MALAT1: variants seen among roughly 807,000 people sequenced by gnomAD.
The protein encoded by MALAT1 is metastasis associated lung adenocarcinoma transcript 1, also known as hepcarcin.
chr11:65,502,875 T>C, exon 3 of MALAT1: 1 of 493,212 alleles, frequency 2.0e-6, no homozygotes, highest in South Asian at 1.5e-5. Context: ...GAATCTACCA[T>C]TTTAAAGTTA....
chr11:65,501,726 C>T (rs751562891), exon 3 of MALAT1: 9 of 518,848 alleles, frequency 1.7e-5, no homozygotes, highest in Non-Finnish European at 3.1e-5. Context: ...AAGTACAGCA[C>T]AGTGCAGCTT....
At chr11:65,504,607 T>C (rs1854634747) in intron 3 of MALAT1, 1 of 518,948 alleles carries the variant, frequency 1.9e-6, no homozygotes, top group Non-Finnish European at 3.8e-6. Context: ...TAAAATGCTT[T>C]TTGTTCATTT....
At chr11:65,504,879 A>T (rs1342145695) in intron 3 of MALAT1, 1 of 518,956 alleles carries the variant, frequency 1.9e-6, no homozygotes, top group Non-Finnish European at 3.8e-6. Context: ...GTAAGAAAAA[A>T]TAGCCTATTT....
exon 3 of MALAT1, chr11:65,500,377 CATTA>C (rs1417886381): frequency 3.9e-6 from 2 of 518,792 alleles, no homozygotes; most frequent in African/African-American, 3.9e-5. Context: ...TGAGGACTAG[CATTA>C]ATTGACAGCT....
chr11:65,497,928 A>C, intron 1 of MALAT1: 1 of 518,780 alleles, frequency 1.9e-6, no homozygotes, highest in Non-Finnish European at 3.9e-6. Context: ...CGCAGCGACG[A>C]GTTGTGCTGC....
intron 3 of MALAT1, chr11:65,504,076 C>G (rs767823933): frequency 1.9e-6 from 1 of 517,866 alleles, no homozygotes; most frequent in East Asian, 5.4e-5. Flanking sequence ...ACACTATTGA[C>G]CTTATATAGG....
chr11:65,499,347 A>G (rs1854483748), exon 3 of MALAT1: 1 of 495,962 alleles, frequency 2.0e-6, no homozygotes, highest in Admixed American at 2.1e-5. Context: ...ATGTATTTAA[A>G]AGAAAATTGA....
At chr11:65,500,409 G>A (rs1287626078) in exon 3 of MALAT1, 1 of 518,856 alleles carries the variant, frequency 1.9e-6, no homozygotes, top group Non-Finnish European at 3.8e-6. Flanking sequence ...GTGCTACACA[G>A]AAGTGGATTC....
chr11:65,497,993 C>T (rs781337438), intron 1 of MALAT1: 1 of 518,940 alleles, frequency 1.9e-6, no homozygotes, highest in Non-Finnish European at 3.8e-6. Context: ...TTAGATAAAA[C>T]CACTCAAACT....
At chr11:65,505,900 T>TG in intron 3 of MALAT1, 1 of 435,536 alleles carries the variant, frequency 2.3e-6, no homozygotes, top group Non-Finnish European at 4.5e-6. Flanking sequence ...TTTGAGTGGC[T>TG]GAGAGGGCTT....
At chr11:65,502,698 A>G (rs1186333271) in exon 3 of MALAT1, 1 of 507,112 alleles carries the variant, frequency 2.0e-6, no homozygotes, top group Non-Finnish European at 3.9e-6. Flanking sequence ...GCCTAGATGC[A>G]GAGAAAACAG....
At chr11:65,502,152 G>GT in exon 3 of MALAT1, 1 of 517,076 alleles carries the variant, frequency 1.9e-6, no homozygotes, top group Non-Finnish European at 3.9e-6. Flanking sequence ...TTCCTTCAAA[G>GT]TATAGAGCTT....
chr11:65,506,320 G>C (rs868304699), exon 4 of MALAT1: 1 of 468,488 alleles, frequency 2.1e-6, no homozygotes, highest in Non-Finnish European at 4.2e-6. Flanking sequence ...AATTTGTCAG[G>C]AGCTTGACTT....
exon 3 of MALAT1, chr11:65,500,636 A>C (rs771640854): frequency 5.8e-6 from 3 of 518,956 alleles, no homozygotes; most frequent in Middle Eastern, 3.2e-4. Flanking sequence ...GAGCGAGTGC[A>C]ATTTGGTGAT....
intron 3 of MALAT1, chr11:65,506,097 T>C (rs1854687867): frequency 2.8e-6 from 1 of 353,564 alleles, no homozygotes; most frequent in Admixed American, 3.8e-5. Flanking sequence ...TTTTCTAGCT[T>C]AAAAAAAAAA....
chr11:65,502,653 ATCT>A (rs766826392), exon 3 of MALAT1: 14 of 481,416 alleles, frequency 2.9e-5, no homozygotes, highest in African/African-American at 2.4e-4. Context: ...TTCAGATAAC[ATCT>A]TCTGAGTCAT....
At chr11:65,502,142 T>C (rs1209472104) in exon 3 of MALAT1, 1 of 516,856 alleles carries the variant, frequency 1.9e-6, no homozygotes. Flanking sequence ...TGTATCTGTT[T>C]TCCTTCAAAG....
At chr11:65,501,678 C>T in exon 3 of MALAT1, 1 of 518,992 alleles carries the variant, frequency 1.9e-6, no homozygotes, top group Non-Finnish European at 3.8e-6. Context: ...ACTGGAGCTG[C>T]TTTTATCCTT....
downstream of MALAT1, chr11:65,506,477 G>T: frequency 6.9e-6 from 2 of 289,502 alleles, no homozygotes; most frequent in Non-Finnish European, 1.4e-5. Flanking sequence ...AAATTGTTGT[G>T]GTTCTTTTGT....
Sources: allele counts gnomAD v4.1 joint callset, GRCh38; gene constraint gnomAD v4.1.1; transcripts MANE v1.5; gene names NCBI Gene and HGNC (gene_info 2026-07-23, HGNC 2026-07-21).